The following MYT1L variants were observed in gnomAD, a reference collection of about 807,000 sequenced individuals.
MYT1L encodes myelin transcription factor 1 like.
Under a neutral mutation model 126.7 loss-of-function variants are expected in MYT1L, and 12 were observed. That is an observed-to-expected ratio of 0.09 (90% CI 0.06 to 0.15). The LOEUF is 0.15. Among genes scored for constraint, MYT1L ranks in the 10% least tolerant of loss-of-function variants. The probability of loss-of-function intolerance (pLI) is 1.00; values close to 1 mark genes in which losing one functional copy is unlikely to be tolerated. For missense variants in MYT1L, 979 were observed against 1,585.2 expected, an observed-to-expected ratio of 0.62 and a Z score of 6.49; for synonymous variants, 541 against 604.2, an observed-to-expected ratio of 0.90 and a Z score of 1.53.
At position 1,879,385 on chromosome 2, in the gene MYT1L, AGTGCT is replaced by A. The variant is rs2047282499; in HGVS notation, c.2711+7149_2711+7153del. The stretch of plus-strand genomic sequence containing the variant: ...TTCTGACTAGACTCTCCCATCACAG[AGTGCT>A]GGCTTCTCATCCTTCTTGCTGCCCA... On this transcript the variant is annotated intron_variant, in intron 18 of 24. Coordinates refer to ENST00000647738, the MANE Select transcript of MYT1L (RefSeq NM_001303052.2). Among the ~76,000 whole-genome samples the A allele has an allele frequency of 2.0e-5, 3 of 152,326 alleles. No homozygotes were observed. The South Asian group carries it at 6.2e-4, about 32-fold the overall frequency.
intron 8 of MYT1L, among the ~76,000 whole-genome samples, chr2:1,946,870 G>T (rs137935338): frequency 6.6e-6 from 1 of 152,072 alleles, no homozygotes; most frequent in East Asian, 1.9e-4. Context: ...CAACCTCCTC[G>T]CAGGGCCACC....
At position 1,913,488 on chromosome 2, in the gene MYT1L, C is replaced by T. The variant is rs1033625550; in HGVS notation, c.1619-1378G>A. On this transcript the variant is annotated intron_variant, in intron 11 of 24. Transcript: ENST00000647738. The stretch of plus-strand genomic sequence containing the variant: ...CCCAGAGGAAGAAGTGCTGCTCCTC[C>T]CTACAGGGAGGCCTCTCCAGGAAGC... Among the ~76,000 whole-genome samples the T allele has an allele frequency of 2.0e-5, 3 of 152,098 alleles. No individual in the cohort carries two copies. In the East Asian group the frequency reaches 5.8e-4, roughly 29 times the overall value.
chr2:1,855,560 C>A (rs1245819016), intron 18 of MYT1L, among the ~76,000 whole-genome samples: 1 of 152,190 alleles, frequency 6.6e-6, no homozygotes, highest in Admixed American at 6.5e-5. Flanking sequence ...TCACCTAGCG[C>A]CCCGCCTGCT....
intron 23 of MYT1L, among the ~76,000 whole-genome samples, chr2:1,792,996 G>A (rs1055696640): frequency 2.0e-5 from 3 of 151,928 alleles, no homozygotes; most frequent in East Asian, 3.9e-4. Context: ...GTTTCCCTGC[G>A]CGATCCTGTT....
At chr2:2,328,997 C>T (rs2149744724) in intron 1 of MYT1L, among the ~76,000 whole-genome samples, 1 of 152,206 alleles carries the variant, frequency 6.6e-6, no homozygotes, top group South Asian at 2.1e-4. Flanking sequence ...TTCACATTGC[C>T]AATAAACTAG....
At chr2:2,225,904 A>T (rs1369112433) in intron 2 of MYT1L, among the ~76,000 whole-genome samples, 1 of 152,170 alleles carries the variant, frequency 6.6e-6, no homozygotes, top group Non-Finnish European at 1.5e-5. Flanking sequence ...CACTTTACAG[A>T]TGAGAAAACT....
intron 8 of MYT1L, among the ~76,000 whole-genome samples, chr2:1,966,209 C>T (rs1316686321): frequency 6.6e-6 from 1 of 152,208 alleles, no homozygotes; most frequent in Non-Finnish European, 1.5e-5. Context: ...GCAGGGGGCT[C>T]CTCTAACGCT....
chr2:1,838,473 C>A (rs528593451), intron 21 of MYT1L, among the ~76,000 whole-genome samples: 5 of 152,206 alleles, frequency 3.3e-5, no homozygotes, highest in Admixed American at 2.0e-4. Context: ...AAGGGTATGG[C>A]CTTCACATCG....
At chr2:1,894,163 G>T (rs906548648) in intron 14 of MYT1L, among the ~76,000 whole-genome samples, 2 of 152,226 alleles carry the variant, frequency 1.3e-5, no homozygotes, top group Admixed American at 1.3e-4. Flanking sequence ...GGCTGGTGGG[G>T]CACAGCTGTC....
At chr2:1,944,874 A>G (rs1288805832) in intron 8 of MYT1L, among the ~76,000 whole-genome samples, 2 of 152,152 alleles carry the variant, frequency 1.3e-5, no homozygotes, top group African/African-American at 4.8e-5. Context: ...TCCCATAATG[A>G]AAACGTGCAG....
At chr2:1,883,170 A>C (rs890488912) in intron 18 of MYT1L, among the ~76,000 whole-genome samples, 1 of 152,184 alleles carries the variant, frequency 6.6e-6, no homozygotes, top group African/African-American at 2.4e-5. Flanking sequence ...TGGTATTATA[A>C]GATAAAGGCA....
chr2:2,202,011 C>T (rs1189389960), intron 2 of MYT1L, among the ~76,000 whole-genome samples: 1 of 152,174 alleles, frequency 6.6e-6, no homozygotes, highest in East Asian at 1.9e-4. Flanking sequence ...CAACCTGCTC[C>T]TGAATGACTA....
intron 8 of MYT1L, among the ~76,000 whole-genome samples, chr2:1,947,862 G>A (rs2057377655): frequency 6.6e-6 from 1 of 152,244 alleles, no homozygotes; most frequent in Admixed American, 6.5e-5. Flanking sequence ...TATCAAGCAG[G>A]GTTTGGTTTA....
chr2:2,173,164 A>G (rs1304775770), intron 2 of MYT1L, among the ~76,000 whole-genome samples, 176 bp from the exon 3 acceptor site: 1 of 152,240 alleles, frequency 6.6e-6, no homozygotes, highest in Non-Finnish European at 1.5e-5. Context: ...ATAAACTCTA[A>G]TAATGGCTAA....
chr2:2,135,836 T>C (rs1457087000), intron 3 of MYT1L, among the ~76,000 whole-genome samples: 1 of 152,198 alleles, frequency 6.6e-6, no homozygotes, highest in Non-Finnish European at 1.5e-5. Flanking sequence ...TCCCACTCTG[T>C]GGACCTGGGC....
At chr2:1,970,693 C>G (rs979585955) in intron 8 of MYT1L, among the ~76,000 whole-genome samples, 6 of 152,204 alleles carry the variant, frequency 3.9e-5, no homozygotes, top group African/African-American at 1.4e-4. Flanking sequence ...TTCAAGATCT[C>G]CATAGCGGCT....
At chr2:2,166,610 G>A (rs1456227021) in intron 3 of MYT1L, among the ~76,000 whole-genome samples, 1 of 152,040 alleles carries the variant, frequency 6.6e-6, no homozygotes, top group African/African-American at 2.4e-5. Flanking sequence ...TAAAACAAAG[G>A]GCCAGTGAGG....
rs142919106 is a variant in MYT1L, at chr2:1,833,650, T to C, written c.3080+5499A>G. ...GATAGCTGCTTTTACAATCACAACA[T>C]GGCATCTTCCCCAAAGGTCATGGCA... On this transcript the variant is annotated intron_variant, in intron 21 of 24. Coordinates refer to ENST00000647738, the MANE Select transcript of MYT1L (RefSeq NM_001303052.2). Among the ~76,000 whole-genome samples the C allele has an allele frequency of 2.3e-3, 355 of 152,292 alleles. 3 individuals are homozygous for C. Among genetic ancestry groups the C allele is most frequent in the African/African-American group, 8.0e-3 (334 of 41,562 alleles).
intron 2 of MYT1L, among the ~76,000 whole-genome samples, chr2:2,179,451 C>T (rs1186186009): frequency 1.3e-5 from 2 of 152,192 alleles, no homozygotes; most frequent in Non-Finnish European, 2.9e-5. Flanking sequence ...TCTCTAAGAA[C>T]ATGCCTCTGT....
Sources: gnomAD v4.1 joint callset for allele counts (sites outside exome capture counted in the v4.1 genomes callset) on GRCh38, gnomAD v4.1.1 for gene constraint, MANE v1.5 for transcripts, NCBI Gene and HGNC (gene_info 2026-07-23, HGNC 2026-07-21) for gene names.